The following MIER3 variants were observed in gnomAD, a reference collection of about 807,000 sequenced individuals.
The protein encoded by MIER3 is mesoderm induction early response protein 3.
MIER3 carries 9 observed loss-of-function variants against 63.2 expected under a neutral mutation model. The ratio of observed to expected loss-of-function variants is 0.14; its 90% CI spans 0.09 to 0.25. The LOEUF is 0.25. Ranked by LOEUF, MIER3 falls within the 10% of genes least tolerant of loss-of-function variation. The pLI, the probability that MIER3 is intolerant of heterozygous loss-of-function variation, is 1.00. For missense variants in MIER3, 512 were observed against 666.2 expected (o/e 0.77, Z 2.55); for synonymous variants, 205 against 224.9 (o/e 0.91, Z 0.79).
intron 7 of MIER3, 149 bp from the exon 8 acceptor site, chr5:56,933,547 G>A (rs1345283535): frequency 5.7e-6 from 4 of 697,280 alleles, no homozygotes; most frequent in Non-Finnish European, 8.7e-6. Flanking sequence ...CGTTAAGTAG[G>A]GCCTTTCACA....
intron 2 of MIER3, 45 bp downstream of exon 2, chr5:56,950,583 A>C: frequency 1.2e-6 from 2 of 1,607,404 alleles, no homozygotes. Flanking sequence ...TTGAGCCCAC[A>C]TTACCCACTG....
intron 3 of MIER3, among the ~76,000 whole-genome samples, chr5:56,940,158 C>T (rs542123467): frequency 2.6e-5 from 4 of 152,134 alleles, no homozygotes; most frequent in East Asian, 1.9e-4. Flanking sequence ...GGTGAAACCC[C>T]GTCTCTACTA....
intron 3 of MIER3, chr5:56,941,263 A>G: frequency 2.4e-6 from 1 of 421,130 alleles, no homozygotes; most frequent in Non-Finnish European, 3.2e-6. Context: ...CTACACCCCA[A>G]GAATACTGGT....
At chr5:56,946,884 CA>C in intron 3 of MIER3, 41 bp downstream of exon 3, 1 of 1,340,398 alleles carries the variant, frequency 7.5e-7, no homozygotes, top group Non-Finnish European at 9.9e-7. Context: ...AACAGAATTT[CA>C]AAATCTTTGT....
chr5:56,933,299 T>C lies in MIER3; in HGVS notation c.695A>G (p.Glu232Gly). The C allele has an allele frequency of 6.2e-7, 1 of 1,613,126 alleles. No homozygotes were observed. The highest frequency in any genetic ancestry group is 8.5e-7 in the Non-Finnish European group (1 of 1,179,598). The stretch of plus-strand genomic sequence containing the variant: ...TGCAGAAATCCTATCCATTATTTTT[T>C]CACTGCCAGTCCTTAATGAAGTCTC... ...LVETSLRTGS[E>G]KIMDRISAGT... Residue 232 changes from glutamate (E) to glycine (G), a missense_variant, in exon 8 of 13, where the codon GAA becomes GGA. Physicochemically the swap from Glu to Gly is moderately conservative, Grantham distance 98. Around this residue, in one of 5 missense-constraint regions of MIER3, gnomAD observed 118 missense variants for 133.6 expected, o/e 0.88. Transcript: ENST00000381199.
At chr5:56,939,096 T>C (rs554893539) in intron 3 of MIER3, 79 bp from the exon 4 acceptor site, 1 of 1,432,326 alleles carries the variant, frequency 7.0e-7, no homozygotes. Context: ...TGTCCTTAGG[T>C]TCAGAAAGCA....
intron 3 of MIER3, 123 bp from the exon 4 acceptor site, chr5:56,939,140 G>C (rs1750554034): frequency 6.5e-6 from 7 of 1,076,924 alleles, no homozygotes; most frequent in Non-Finnish European, 8.7e-6. Flanking sequence ...TCAAAGGCAA[G>C]TTTCAGTTTT....
intron 12 of MIER3, 24 bp downstream of exon 12, chr5:56,923,667 A>C: frequency 1.2e-6 from 2 of 1,614,116 alleles, no homozygotes; most frequent in Non-Finnish European, 1.7e-6. Flanking sequence ...AACTGTACTA[A>C]ATGCAGAAAG....
At chr5:56,937,506 T>G (rs370091103) in intron 5 of MIER3, 72 bp downstream of exon 5, 1 of 1,367,398 alleles carries the variant, frequency 7.3e-7, no homozygotes, top group Non-Finnish European at 9.8e-7. Flanking sequence ...CACAAATTAC[T>G]GAACACAATA....
chr5:56,923,019 G>T lies in MIER3; in HGVS notation c.*109C>A. On this transcript the variant is annotated 3_prime_UTR_variant, in exon 13 of 13. Transcript: ENST00000381199. Reference sequence around the variant, plus strand: ...TAGTTCTATACATACTGACATCACTGATGTCATAGTGAGAAAGGTTCAAAC... The same window carrying T: ...TAGTTCTATACATACTGACATCACTTATGTCATAGTGAGAAAGGTTCAAAC... 1 of 788,612 alleles carries T rather than the reference G, an allele frequency of 1.3e-6. No individual in the cohort carries two copies. The highest frequency in any genetic ancestry group is 2.0e-6 in the Non-Finnish European group (1 of 491,298). The allele number at this position is 788,612 out of a possible 1,614,324, so 48.9% of individuals were successfully genotyped here.
intron 10 of MIER3, among the ~76,000 whole-genome samples, chr5:56,924,619 GC>G (rs1749869022): frequency 6.6e-6 from 1 of 152,164 alleles, no homozygotes; most frequent in East Asian, 1.9e-4. Context: ...TAAAGGCAGG[GC>G]TTTCTCCCTC....
intron 9 of MIER3, among the ~76,000 whole-genome samples, chr5:56,929,953 T>C (rs921736375): frequency 2.6e-5 from 4 of 152,204 alleles, no homozygotes; most frequent in African/African-American, 4.8e-5. Flanking sequence ...TTTGAGAGTT[T>C]TGAGAGCCTA....
chr5:56,948,033 G>A (rs1750884970), intron 2 of MIER3, among the ~76,000 whole-genome samples: 1 of 152,202 alleles, frequency 6.6e-6, no homozygotes, highest in Non-Finnish European at 1.5e-5. Flanking sequence ...ATCAGAAACT[G>A]AGGTTGGGGG....
At chr5:56,933,483 G>T in intron 7 of MIER3, 85 bp from the exon 8 acceptor site, 1 of 1,281,624 alleles carries the variant, frequency 7.8e-7, no homozygotes, top group Non-Finnish European at 1.1e-6. Context: ...TTCCTTGATT[G>T]GCTATCCAGT....
At position 56,922,620 on chromosome 5, in the gene MIER3, AAAT is replaced by A. The variant is rs1579827850; in HGVS notation, c.*505_*507del. The A allele has an allele frequency of 6.5e-6, 1 of 154,608 alleles. No individual in the cohort carries two copies. The highest frequency in any genetic ancestry group is 1.4e-5 in the Non-Finnish European group (1 of 69,284). 9.6% of individuals were successfully genotyped at this position (154,608 alleles called of 1,614,324 possible). On this transcript the variant is annotated 3_prime_UTR_variant, in exon 13 of 13. Coordinates refer to ENST00000381199, the MANE Select transcript of MIER3 (RefSeq NM_001297599.2). The stretch of plus-strand genomic sequence containing the variant: ...AAACCTACCCCTGCTTTTATTAAGA[AAAT>A]AAAACCAAAAAAATGCTACATTGAG...
At chr5:56,931,510 C>T (rs173762) in intron 8 of MIER3, among the ~76,000 whole-genome samples, 152,272 of 152,276 alleles carry the variant, frequency 1, 76,134 homozygotes, top group Non-Finnish European at 1. Flanking sequence ...AATTAAATTT[C>T]AATTTAAAAA....
rs150989914 is a variant in MIER3 at position 56,941,239 on chromosome 5, A to G, written c.181-2222T>C. 24 of 664,696 alleles carry G rather than the reference A, an allele frequency of 3.6e-5. No individual in the cohort carries two copies. In the East Asian group the frequency reaches 3.3e-3, roughly 92 times the overall value. 41.2% of individuals were successfully genotyped at this position (664,696 alleles called of 1,614,324 possible). A position where few individuals can be genotyped will look rare whatever the true frequency, so the allele number is the denominator to read the frequency against. ...GGCTTCAATATTCAATTGTGACTAT[A>G]GACAAGGGCAGACCTACACCCCAAG... On this transcript the variant is annotated intron_variant, in intron 3 of 12. Transcript: ENST00000381199.
intron 8 of MIER3, among the ~76,000 whole-genome samples, chr5:56,931,332 A>T (rs564836875): frequency 1.1e-4 from 17 of 152,280 alleles, no homozygotes; most frequent in Admixed American, 8.5e-4. Flanking sequence ...TAAATAATCT[A>T]TCTACCTTCC....
intron 5 of MIER3, 128 bp from the exon 6 acceptor site, chr5:56,935,879 GTTTCTC>G: frequency 1.5e-6 from 1 of 674,702 alleles, no homozygotes; most frequent in Admixed American, 2.6e-5. Flanking sequence ...CCACCTGCAT[GTTTCTC>G]ACAATCGACA....
Sources: gnomAD v4.1 joint callset for allele counts (sites outside exome capture counted in the v4.1 genomes callset) on GRCh38, gnomAD v4.1.1 for gene constraint, gnomAD v4.1.1 regional missense constraint, MANE v1.5 for transcripts, NCBI Gene and HGNC (gene_info 2026-07-23, HGNC 2026-07-21) for gene names.